ARHGEF4: variants seen among roughly 807,000 people sequenced by gnomAD.
ARHGEF4 encodes Rho guanine nucleotide exchange factor 4, also known as APC-stimulated guanine nucleotide exchange factor 1.
In ARHGEF4, 119 loss-of-function variants were observed where a neutral mutation model predicts 162.0. The observed-to-expected ratio is 0.73, with a 90% confidence interval of 0.63 to 0.86. The LOEUF is 0.86. Among genes scored for constraint, ARHGEF4 ranks in the 40% least tolerant of loss-of-function variants. The pLI, the probability that ARHGEF4 is intolerant of heterozygous loss-of-function variation, is 0.00. For missense variants in ARHGEF4, 2,488 were observed against 2,456.0 expected, an observed-to-expected ratio of 1.01 and a Z score of -0.28; for synonymous variants, 1,014 against 979.9, an observed-to-expected ratio of 1.03 and a Z score of -0.65.
chr2:130,940,776 G>A (rs999406139), intron 3 of ARHGEF4, among the ~76,000 whole-genome samples: 2 of 147,218 alleles, frequency 1.4e-5, no homozygotes, highest in African/African-American at 5.0e-5. Context: ...AGCTTGCAGT[G>A]AGCCGAGACT....
chr2:131,011,598 C>T (rs1270094648), intron 4 of ARHGEF4: 4 of 1,519,008 alleles, frequency 2.6e-6, no homozygotes, highest in Non-Finnish European at 3.5e-6. Context: ...GCTATTAATC[C>T]CCCCATTGGT....
intron 4 of ARHGEF4, among the ~76,000 whole-genome samples, chr2:130,985,450 G>A (rs1251444064): frequency 6.6e-6 from 1 of 152,104 alleles, no homozygotes; most frequent in Admixed American, 6.5e-5. Context: ...CGAGGAAATG[G>A]GAGCTCAGTC....
At chr2:131,027,260 G>T (rs1573650740) in intron 4 of ARHGEF4, among the ~76,000 whole-genome samples, 1 of 152,230 alleles carries the variant, frequency 6.6e-6, no homozygotes, top group East Asian at 1.9e-4. Context: ...ACAGTTGAGT[G>T]AAAAGAGCCA....
chr2:130,871,410 C>T (rs184332095), intron 1 of ARHGEF4, among the ~76,000 whole-genome samples: 6 of 152,020 alleles, frequency 3.9e-5, no homozygotes, highest in Non-Finnish European at 8.8e-5. Flanking sequence ...GTGGTGGGCA[C>T]CTGTGATCCC....
intron 1 of ARHGEF4, among the ~76,000 whole-genome samples, chr2:130,869,734 A>G (rs1040873006): frequency 2.0e-5 from 3 of 152,240 alleles, no homozygotes; most frequent in Non-Finnish European, 4.4e-5. Context: ...GGGAGCTGAC[A>G]TATCCGCATT....
chr2:130,851,556 C>T (rs949438054), intron 1 of ARHGEF4, among the ~76,000 whole-genome samples: 1 of 152,226 alleles, frequency 6.6e-6, no homozygotes, highest in African/African-American at 2.4e-5. Context: ...GGCGGCTGCA[C>T]ATGGTCTCTA....
chr2:130,922,126 T>C (rs1288856572), intron 2 of ARHGEF4, among the ~76,000 whole-genome samples: 3 of 151,814 alleles, frequency 2.0e-5, no homozygotes, highest in African/African-American at 7.3e-5. Context: ...TCTCAGCACT[T>C]TGGGAGGCCG....
intron 4 of ARHGEF4, among the ~76,000 whole-genome samples, chr2:130,997,830 A>G (rs969605710): frequency 1.3e-5 from 2 of 152,238 alleles, no homozygotes; most frequent in Non-Finnish European, 1.5e-5. Context: ...TTCATCCACT[A>G]GAAACACCAG....
intron 4 of ARHGEF4, among the ~76,000 whole-genome samples, chr2:130,982,358 A>G (rs1193638716): frequency 6.6e-6 from 1 of 152,166 alleles, no homozygotes; most frequent in Non-Finnish European, 1.5e-5. Context: ...AATGTTAATT[A>G]GCCAAATTTC....
chr2:131,023,785 T>C (rs562841289), intron 4 of ARHGEF4, among the ~76,000 whole-genome samples: 4 of 152,220 alleles, frequency 2.6e-5, no homozygotes, highest in Admixed American at 6.5e-5. Flanking sequence ...TGAAAACTTA[T>C]GTTCACACAA....
At chr2:130,971,431 G>A (rs531928021) in intron 4 of ARHGEF4, among the ~76,000 whole-genome samples, 16 of 152,154 alleles carry the variant, frequency 1.1e-4, no homozygotes, top group Middle Eastern at 3.4e-3. Context: ...AGGCTCAGGC[G>A]GGCAGATCAC....
intron 4 of ARHGEF4, chr2:130,964,237 TCGGCC>T: frequency 1.0e-6 from 1 of 985,432 alleles, no homozygotes; most frequent in Non-Finnish European, 1.2e-6. Flanking sequence ...GAGCCTGCGC[TCGGCC>T]ACCGCCGGTA....
rs763002163 is a variant in ARHGEF4 at position 130,946,601 on chromosome 2, C to G, written c.3951C>G (p.Asn1317Lys). The change falls in exon 4 of 14, where the codon AAC becomes AAG. Residue 1317 changes from asparagine (N) to lysine (K), a missense_variant. This residue lies in a region of ARHGEF4 where 1,642 missense variants were observed against 1,481.5 expected (regional missense o/e 1.11). Transcript: ENST00000409359. ...PLSQSAPTGL[N>K]HMGWPEHTPG... is the part of the protein sequence containing the mutation. ...CCCAGAGTGCTCCAACGGGACTGAA[C>G]CACATGGGCTGGCCAGAGCACACAC... 6.2e-7 allele frequency: 1 copy of G among 1,614,118 alleles called. No individual in the cohort carries two copies. Among genetic ancestry groups the G allele is most frequent in the East Asian group, 2.2e-5 (1 of 44,888 alleles).
chr2:130,852,735 G>A (rs996383283), intron 1 of ARHGEF4, among the ~76,000 whole-genome samples: 4 of 152,204 alleles, frequency 2.6e-5, no homozygotes, highest in African/African-American at 9.6e-5. Context: ...GAGCCCCGTC[G>A]CCTCCTGCGG....
chr2:130,985,552 G>T (rs933382050), intron 4 of ARHGEF4, among the ~76,000 whole-genome samples: 2 of 152,010 alleles, frequency 1.3e-5, no homozygotes, highest in Admixed American at 6.6e-5. Context: ...CTAGGGAGGG[G>T]CAAGGAGGCA....
intron 2 of ARHGEF4, 136 bp downstream of exon 2, chr2:130,917,634 G>C (rs1047395556): frequency 8.8e-7 from 1 of 1,141,498 alleles, no homozygotes; most frequent in Non-Finnish European, 1.2e-6. Context: ...ACTCCCAGCC[G>C]CCCCCCCTCC....
chr2:131,005,821 A>G (rs545661884), intron 4 of ARHGEF4, among the ~76,000 whole-genome samples: 1 of 152,302 alleles, frequency 6.6e-6, no homozygotes, highest in East Asian at 1.9e-4. Context: ...TGTCTGTAGT[A>G]GACAGAATTC....
intron 4 of ARHGEF4, among the ~76,000 whole-genome samples, chr2:130,979,201 TACTG>T (rs1204468467): frequency 6.6e-6 from 1 of 152,236 alleles, no homozygotes; most frequent in Non-Finnish European, 1.5e-5. Context: ...TCATAACTAT[TACTG>T]ACAACATATA....
chr2:130,898,169 G>C (rs1680271547), intron 1 of ARHGEF4, among the ~76,000 whole-genome samples: 1 of 152,214 alleles, frequency 6.6e-6, no homozygotes, highest in African/African-American at 2.4e-5. Context: ...ATGCCCCCAG[G>C]CTAGAGCCCT....
Sources: gnomAD v4.1 joint callset for allele counts (sites outside exome capture counted in the v4.1 genomes callset) on GRCh38, gnomAD v4.1.1 for gene constraint, gnomAD v4.1.1 regional missense constraint, MANE v1.5 for transcripts, NCBI Gene and HGNC (gene_info 2026-07-23, HGNC 2026-07-21) for gene names.